Variants in PRICKLE2 observed in about 807,000 individuals in gnomAD.
PRICKLE2 encodes the protein prickle planar cell polarity protein 2, also known as prickle-like protein 2.
Under a neutral mutation model 81.4 loss-of-function variants are expected in PRICKLE2, and 21 were observed. The observed-to-expected ratio is 0.26, with a 90% CI of 0.18 to 0.37. PRICKLE2 has a LOEUF of 0.37. PRICKLE2 is among the 10% of genes least tolerant of loss of function. The pLI, the probability that PRICKLE2 is intolerant of heterozygous loss-of-function variation, is 1.00. For missense variants in PRICKLE2, 940 were observed against 1,109.0 expected (o/e 0.85, Z 2.16); for synonymous variants, 456 against 421.5 (o/e 1.08, Z -1.00).
At chr3:64,202,213 C>T (rs1156307974) in intron 1 of PRICKLE2, among the ~76,000 whole-genome samples, 1 of 152,118 alleles carries the variant, frequency 6.6e-6, no homozygotes, top group Non-Finnish European at 1.5e-5. Context: ...ACTGTTTTGG[C>T]TCTTCTTCAT....
intron 2 of PRICKLE2, among the ~76,000 whole-genome samples, chr3:64,246,981 T>C (rs1162611572): frequency 6.6e-6 from 1 of 152,206 alleles, no homozygotes; most frequent in Non-Finnish European, 1.5e-5. Flanking sequence ...AGCTCCGAAA[T>C]ACAGCCTCCA....
rs2076530640 is a variant in PRICKLE2, at chr3:64,093,483, G to T, written c.*5568C>A. On this transcript the variant is annotated 3_prime_UTR_variant, in exon 8 of 8. Coordinates refer to ENST00000638394, the MANE Select transcript of PRICKLE2 (RefSeq NM_198859.4). The stretch of plus-strand genomic sequence containing the variant: ...ACATCATTTTACATTCCCACCAACA[G>T]TGTACAAGTGTTCCAATTGCTCCAC... 6.6e-6 allele frequency: 1 copy of T among 152,144 alleles called. No individual in the cohort carries two copies. Among genetic ancestry groups the T allele is most frequent in the Non-Finnish European group, 1.5e-5 (1 of 68,036 alleles). 9.4% of individuals were successfully genotyped at this position (152,144 alleles called of 1,614,324 possible).
At chr3:64,211,530 A>G (rs539522670) in intron 1 of PRICKLE2, among the ~76,000 whole-genome samples, 37 of 152,336 alleles carry the variant, frequency 2.4e-4, no homozygotes, top group African/African-American at 8.4e-4. Context: ...AACAAAAATG[A>G]TATGTGTATA....
intron 2 of PRICKLE2, among the ~76,000 whole-genome samples, chr3:64,254,442 G>A (rs1031333294): frequency 1.3e-5 from 2 of 152,186 alleles, no homozygotes; most frequent in Non-Finnish European, 2.9e-5. Context: ...CCACCTAGAT[G>A]AGAAACAGCC....
At chr3:64,217,424 A>G (rs996437744) in intron 1 of PRICKLE2, among the ~76,000 whole-genome samples, 5 of 152,212 alleles carry the variant, frequency 3.3e-5, no homozygotes, top group African/African-American at 1.2e-4. Context: ...TAGTATATCC[A>G]TCACGTAAAT....
At chr3:64,240,533 G>A (rs931072506) in intron 2 of PRICKLE2, among the ~76,000 whole-genome samples, 1 of 152,146 alleles carries the variant, frequency 6.6e-6, no homozygotes, top group Non-Finnish European at 1.5e-5. Flanking sequence ...AAGTCCCTGT[G>A]TGGGCTATGA....
chr3:64,119,498 C>A (rs1166437075), intron 7 of PRICKLE2, among the ~76,000 whole-genome samples: 1 of 152,050 alleles, frequency 6.6e-6, no homozygotes, highest in African/African-American at 2.4e-5. Flanking sequence ...AAGTCAAAAG[C>A]ACAATGAGAT....
At chr3:64,200,855 T>G (rs1260951356) in intron 1 of PRICKLE2, 1 of 152,050 alleles carries the variant, frequency 6.6e-6, no homozygotes, top group African/African-American at 2.4e-5. Flanking sequence ...GACCTCATGA[T>G]CCACCCGCGT....
rs183996172 is a variant in PRICKLE2, at chr3:64,195,293, T to A, written c.144+3491A>T. Among the ~76,000 whole-genome samples, 20 of 152,338 alleles carry A rather than the reference T, an allele frequency of 1.3e-4. No homozygotes were observed. The East Asian group carries it at 3.5e-3, about 26-fold the overall frequency. On this transcript the variant is annotated intron_variant, in intron 2 of 7. Transcript: ENST00000638394. ...TTAAAAGGCTGGGTTTTACAGCTAG[T>A]GCATTTTTATGAAATTAAATGTCCG...
chr3:64,142,856 AC>A (rs1395551888), intron 7 of PRICKLE2, among the ~76,000 whole-genome samples: 3 of 152,208 alleles, frequency 2.0e-5, no homozygotes, highest in Non-Finnish European at 2.9e-5. Flanking sequence ...CTACAGGAAC[AC>A]CTTTATCCAC....
upstream of PRICKLE2, among the ~76,000 whole-genome samples, chr3:64,226,856 T>C (rs888407): frequency 0.68 from 102,685 of 152,012 alleles, 36,854 homozygotes; most frequent in Non-Finnish European, 0.8. Context: ...GCACTGTGAG[T>C]GAAAGTAAAG....
At chr3:64,139,116 A>G (rs955215477) in intron 7 of PRICKLE2, among the ~76,000 whole-genome samples, 18 of 152,204 alleles carry the variant, frequency 1.2e-4, no homozygotes, top group Admixed American at 1.2e-3. Context: ...CAATGCTGAA[A>G]AATTACCCTG....
intron 7 of PRICKLE2, among the ~76,000 whole-genome samples, chr3:64,130,341 G>A (rs370024905): frequency 6.6e-6 from 1 of 152,128 alleles, no homozygotes; most frequent in Non-Finnish European, 1.5e-5. Context: ...TTTTATAGGT[G>A]GGGAAATTCA....
At chr3:64,152,623 A>C (rs1205219952) in intron 6 of PRICKLE2, among the ~76,000 whole-genome samples, 1 of 151,374 alleles carries the variant, frequency 6.6e-6, no homozygotes, top group Non-Finnish European at 1.5e-5. Flanking sequence ...CCACCAAGAG[A>C]CCACTTTGGT....
chr3:64,099,612 C>T lies in PRICKLE2; in HGVS notation c.1974G>A (p.Glu658=), dbSNP rs765872435. Reference sequence around the variant, plus strand: ...CACTCATGGGCTGGATCCTCACGCCCTCCTGCCCTGGCAGCTTGCTGCCCG... The same window carrying T: ...CACTCATGGGCTGGATCCTCACGCCTTCCTGCCCTGGCAGCTTGCTGCCCG... ...GMAGSKLPGQ[E]GVRIQPMSER... The change falls in exon 8 of 8, where the codon GAG becomes GAA. Residue 658 remains glutamate (E), a synonymous_variant. Coordinates refer to ENST00000638394, the MANE Select transcript of PRICKLE2 (RefSeq NM_198859.4). The surrounding 1 kb of genome is among the most constrained non-coding windows in gnomAD (Gnocchi z 4.3). 4 of 1,614,006 alleles carry T rather than the reference C, an allele frequency of 2.5e-6. No homozygotes were observed. Among genetic ancestry groups the T allele is most frequent in the East Asian group, 2.2e-5 (1 of 44,868 alleles).
intron 2 of PRICKLE2, among the ~76,000 whole-genome samples, chr3:64,251,256 C>T (rs972692076): frequency 2.6e-5 from 4 of 152,164 alleles, no homozygotes; most frequent in Non-Finnish European, 4.4e-5. Context: ...AAACCATCCC[C>T]GCTCCAGGTA....
intron 7 of PRICKLE2, among the ~76,000 whole-genome samples, chr3:64,132,849 C>T (rs191113318): frequency 6.6e-6 from 1 of 152,270 alleles, no homozygotes; most frequent in East Asian, 1.9e-4. Flanking sequence ...GAGGATGTGG[C>T]ACCTTACACA....
chr3:64,136,203 G>A (rs1487476161), intron 7 of PRICKLE2, among the ~76,000 whole-genome samples: 1 of 151,938 alleles, frequency 6.6e-6, no homozygotes, highest in Non-Finnish European at 1.5e-5. Flanking sequence ...CTCAGCAGGA[G>A]GCTAGACTCA....
intron 2 of PRICKLE2, among the ~76,000 whole-genome samples, chr3:64,188,235 T>A (rs1260579196): frequency 1.2e-4 from 19 of 152,200 alleles, no homozygotes; most frequent in Admixed American, 1.2e-3. Context: ...TTCTTCTCTG[T>A]TAGCTACTTT....
Sources: allele counts gnomAD v4.1 joint callset (sites outside exome capture counted in the v4.1 genomes callset), GRCh38; gene constraint gnomAD v4.1.1; non-coding constraint Gnocchi (gnomAD v3.1); transcripts MANE v1.5; gene names NCBI Gene and HGNC (gene_info 2026-07-23, HGNC 2026-07-21).